SDHB: variants seen among roughly 807,000 people sequenced by gnomAD.
The protein encoded by SDHB is succinate dehydrogenase complex iron sulfur subunit B.
In SDHB, 21 loss-of-function variants were observed where a neutral mutation model predicts 39.7. The ratio of observed to expected loss-of-function variants is 0.53; its 90% CI spans 0.37 to 0.76. The LOEUF is 0.76. SDHB is among the 30% of genes least tolerant of loss of function. SDHB has a pLI of 0.00. For missense variants in SDHB, 343 were observed against 350.9 expected (o/e 0.98, Z 0.18); for synonymous variants, 118 against 117.0 (o/e 1.01, Z -0.06).
chr1:17,046,240 C>T (rs1294809369), intron 1 of SDHB, among the ~76,000 whole-genome samples: 1 of 152,092 alleles, frequency 6.6e-6, no homozygotes, highest in Non-Finnish European at 1.5e-5. Context: ...ACCGGGAACC[C>T]CATTTTGTAA....
intron 7 of SDHB, among the ~76,000 whole-genome samples, chr1:17,021,044 C>T (rs1028192431): frequency 9.2e-5 from 14 of 152,354 alleles, no homozygotes; most frequent in Middle Eastern, 3.4e-3. Context: ...AGTCTTTGCT[C>T]GGAGGGCAGC....
rs1017060575 is a variant in SDHB at position 17,048,760 on chromosome 1, G to T, written c.73-3872C>A. The stretch of plus-strand genomic sequence containing the variant: ...GGTCTCACTCTTGTCCCCCAGGCTG[G>T]AGTACAATGGCGCGATCTCGGCTCA... On this transcript the variant is annotated intron_variant, in intron 1 of 7. Transcript: ENST00000375499. Among the ~76,000 whole-genome samples the T allele has an allele frequency of 8.4e-4, 128 of 151,970 alleles. 1 individual carries two copies. The highest frequency in any genetic ancestry group is 3.0e-3 in the African/African-American group (125 of 41,348).
intron 5 of SDHB, among the ~76,000 whole-genome samples, chr1:17,027,182 G>C (rs1050156201): frequency 6.6e-6 from 1 of 152,160 alleles, no homozygotes; most frequent in Non-Finnish European, 1.5e-5. Flanking sequence ...GAAGAAGAAA[G>C]ACTGAAAACT....
chr1:17,029,093 GTTTTTTTTT>G lies in SDHB; in HGVS notation c.287-366_287-358del, dbSNP rs746243819. Among the ~76,000 whole-genome samples, 18 of 72,030 alleles carry G rather than the reference GTTTTTTTTT, an allele frequency of 2.5e-4. 1 individual carries two copies. Among genetic ancestry groups the G allele is most frequent in the East Asian group, 2.1e-3 (4 of 1,870 alleles). 47.3% of individuals were successfully genotyped at this position (72,030 alleles called of 152,430 possible). ...ACGTGTTTTGAAGAAAAATCAGCCT[GTTTTTTTTT>G]TTTTTTTTTTTTTTTTTTTTAAAGA... On this transcript the variant is annotated intron_variant, in intron 3 of 7. Transcript: ENST00000375499.
chr1:17,028,749 C>T lies in SDHB; in HGVS notation c.287-13G>A, dbSNP rs769089471. On this transcript the variant is annotated splice_polypyrimidine_tract_variant and intron_variant, in intron 3 of 7. Transcript: ENST00000375499. ...GAGCCACAGATGCCTGAAAGAGACA[C>T]ACATTTAACACATCCTCACCCATAT... 4.3e-6 allele frequency: 7 copies of T among 1,613,292 alleles called. No homozygotes were observed. The highest frequency in any genetic ancestry group is 5.9e-6 in the Non-Finnish European group (7 of 1,180,012).
intron 2 of SDHB, among the ~76,000 whole-genome samples, chr1:17,038,064 G>A (rs1459536511): frequency 6.6e-5 from 10 of 152,124 alleles, no homozygotes; most frequent in African/African-American, 2.2e-4. Flanking sequence ...GCTTGAATCC[G>A]GGAGGCGGAG....
At chr1:17,033,668 G>T (rs1349382957) in intron 2 of SDHB, among the ~76,000 whole-genome samples, 5 of 152,228 alleles carry the variant, frequency 3.3e-5, no homozygotes, top group African/African-American at 1.2e-4. Flanking sequence ...CCCTGGGCGT[G>T]GGACCTGGAG....
chr1:17,019,498 T>C (rs2077949149), intron 7 of SDHB, among the ~76,000 whole-genome samples: 1 of 152,126 alleles, frequency 6.6e-6, no homozygotes, highest in South Asian at 2.1e-4. Flanking sequence ...TAACATCTGC[T>C]TTGCAGGAGG....
chr1:17,041,239 G>T (rs897163317), intron 2 of SDHB, among the ~76,000 whole-genome samples: 2 of 152,110 alleles, frequency 1.3e-5, no homozygotes, highest in Non-Finnish European at 2.9e-5. Flanking sequence ...AGGCCATCCG[G>T]TAAATTTTCC....
At chr1:17,032,743 A>T in intron 3 of SDHB, 2 of 412,300 alleles carry the variant, frequency 4.9e-6, no homozygotes, top group Non-Finnish European at 9.1e-6. Flanking sequence ...TCCCTTAATA[A>T]AAGAGCTCAG....
intron 1 of SDHB, among the ~76,000 whole-genome samples, chr1:17,053,544 C>T (rs1411636153): frequency 6.6e-6 from 1 of 152,144 alleles, no homozygotes; most frequent in African/African-American, 2.4e-5. Flanking sequence ...TCCCAATTCC[C>T]ATCCTTCACA....
At chr1:17,052,465 C>T (rs2078153974) in intron 1 of SDHB, 1 of 152,110 alleles carries the variant, frequency 6.6e-6, no homozygotes, top group Non-Finnish European at 1.5e-5. Flanking sequence ...AAAGACCTTG[C>T]CTGGAATTAC....
At chr1:17,020,179 T>A (rs1411143953) in intron 7 of SDHB, among the ~76,000 whole-genome samples, 1 of 152,186 alleles carries the variant, frequency 6.6e-6, no homozygotes, top group Admixed American at 6.5e-5. Context: ...TGGATCTACC[T>A]GTGTATTTCC....
At chr1:17,043,401 A>G (rs574975304) in intron 2 of SDHB, among the ~76,000 whole-genome samples, 20 of 152,316 alleles carry the variant, frequency 1.3e-4, no homozygotes, top group African/African-American at 2.9e-4. Flanking sequence ...AGAAGGTTAT[A>G]TATCAATTAA....
chr1:17,032,853 C>T (rs1004296628), intron 3 of SDHB: 2 of 627,216 alleles, frequency 3.2e-6, no homozygotes, highest in East Asian at 5.6e-5. Flanking sequence ...TAGAATGCTC[C>T]TGAAGGAAAG....
intron 7 of SDHB, among the ~76,000 whole-genome samples, chr1:17,020,332 C>T (rs906904783): frequency 5.3e-5 from 8 of 152,142 alleles, no homozygotes; most frequent in African/African-American, 1.7e-4. Context: ...TGATCTGGGG[C>T]GAGTCACTCC....
intron 3 of SDHB, 42 bp from the exon 4 acceptor site, chr1:17,028,778 G>GA (rs1474261727): frequency 6.2e-6 from 10 of 1,609,050 alleles, no homozygotes; most frequent in Non-Finnish European, 8.5e-6. Context: ...CCCATATCCG[G>GA]AATCAGTCCT....
intron 1 of SDHB, among the ~76,000 whole-genome samples, chr1:17,051,746 A>G (rs1216719458): frequency 6.6e-6 from 1 of 152,088 alleles, no homozygotes; most frequent in African/African-American, 2.4e-5. Context: ...TTTTTGCTCT[A>G]CAAGATTGGC....
At chr1:17,051,490 A>AT (rs2078146856) in intron 1 of SDHB, among the ~76,000 whole-genome samples, 1 of 152,182 alleles carries the variant, frequency 6.6e-6, no homozygotes, top group African/African-American at 2.4e-5. Flanking sequence ...AATAGAGAGG[A>AT]AGAAAGCAAA....
Sources: gnomAD v4.1 joint callset for allele counts (sites outside exome capture counted in the v4.1 genomes callset) on GRCh38, gnomAD v4.1.1 for gene constraint, MANE v1.5 for transcripts, NCBI Gene and HGNC (gene_info 2026-07-23, HGNC 2026-07-21) for gene names.